CMSS1: variants seen among roughly 807,000 people sequenced by gnomAD.
CMSS1 encodes the protein cms1 ribosomal small subunit homolog.
CMSS1 carries 33 observed loss-of-function variants against 43.5 expected under a neutral mutation model. The ratio of observed to expected loss-of-function variants is 0.76; its 90% CI spans 0.57 to 1.01. The LOEUF (loss-of-function observed/expected upper bound fraction) is 1.01, where lower values mean the gene tolerates loss of function less well. CMSS1 is among the 50% of genes least tolerant of loss of function. CMSS1 has a pLI of 0.00. For missense variants in CMSS1, 313 were observed against 326.4 expected (o/e 0.96, Z 0.32); for synonymous variants, 115 against 117.2 (o/e 0.98, Z 0.12).
At chr3:99,982,087 GGTT>G (rs1402265275) in intron 1 of CMSS1, among the ~76,000 whole-genome samples, 1 of 151,932 alleles carries the variant, frequency 6.6e-6, no homozygotes, top group Non-Finnish European at 1.5e-5. Context: ...CTTTTGTGAC[GGTT>G]GTTAGTCTTG....
At chr3:99,828,434 G>A (rs1381959881) in intron 1 of CMSS1, among the ~76,000 whole-genome samples, 2 of 136,546 alleles carry the variant, frequency 1.5e-5, no homozygotes, top group East Asian at 2.1e-4. Context: ...TGATGTTAGA[G>A]CTTCATCACT....
intron 1 of CMSS1, among the ~76,000 whole-genome samples, chr3:99,948,054 A>G (rs925986739): frequency 2.0e-5 from 3 of 152,230 alleles, no homozygotes; most frequent in Non-Finnish European, 4.4e-5. Context: ...TTTTTATTCT[A>G]AAGCTATAAC....
chr3:99,992,603 A>G (rs918873670), intron 1 of CMSS1, among the ~76,000 whole-genome samples: 1 of 151,704 alleles, frequency 6.6e-6, no homozygotes, highest in African/African-American at 2.4e-5. Flanking sequence ...ATTTTTTCCC[A>G]TTCTATAGAT....
At chr3:99,980,355 T>C (rs1709086359) in intron 1 of CMSS1, among the ~76,000 whole-genome samples, 1 of 152,190 alleles carries the variant, frequency 6.6e-6, no homozygotes, top group Non-Finnish European at 1.5e-5. Flanking sequence ...TTGGATGTTT[T>C]GAAATTCAGA....
intron 1 of CMSS1, among the ~76,000 whole-genome samples, chr3:100,014,049 G>A (rs977419706): frequency 1.2e-4 from 18 of 151,760 alleles, no homozygotes; most frequent in African/African-American, 1.7e-4. Context: ...TTAAGATTCC[G>A]CATGTAAGTG....
At chr3:99,955,775 G>C (rs945120522) in intron 1 of CMSS1, among the ~76,000 whole-genome samples, 4 of 152,102 alleles carry the variant, frequency 2.6e-5, no homozygotes, top group African/African-American at 9.7e-5. Flanking sequence ...CCACATTAGT[G>C]TATCCTGGAA....
intron 1 of CMSS1, among the ~76,000 whole-genome samples, chr3:99,912,300 C>T (rs1018782848): frequency 2.6e-5 from 4 of 152,256 alleles, no homozygotes; most frequent in East Asian, 1.9e-4. Context: ...TAGGCAAAAC[C>T]ATAGAGACAG....
At chr3:100,091,864 A>C (rs912442020) in intron 1 of CMSS1, among the ~76,000 whole-genome samples, 3 of 152,142 alleles carry the variant, frequency 2.0e-5, no homozygotes, top group Non-Finnish European at 4.4e-5. Context: ...GTTGGGCCTG[A>C]GTAAATATTA....
At chr3:99,908,848 A>G (rs547022414) in intron 1 of CMSS1, among the ~76,000 whole-genome samples, 1 of 152,062 alleles carries the variant, frequency 6.6e-6, no homozygotes, top group Non-Finnish European at 1.5e-5. Flanking sequence ...AATAGAATCT[A>G]CCATCTACAA....
intron 2 of CMSS1, among the ~76,000 whole-genome samples, chr3:100,157,575 A>G (rs993657023): frequency 3.3e-5 from 5 of 152,182 alleles, no homozygotes; most frequent in Admixed American, 1.3e-4. Flanking sequence ...CTCTGATGGT[A>G]TTTCTTTTAG....
intron 1 of CMSS1, among the ~76,000 whole-genome samples, chr3:99,932,853 G>T (rs1161004450): frequency 6.6e-6 from 1 of 152,146 alleles, no homozygotes; most frequent in Non-Finnish European, 1.5e-5. Context: ...ATCGCGCCCG[G>T]CACTCCAGCC....
At chr3:99,975,942 T>C (rs1708957027) in intron 1 of CMSS1, among the ~76,000 whole-genome samples, 1 of 152,222 alleles carries the variant, frequency 6.6e-6, no homozygotes, top group African/African-American at 2.4e-5. Flanking sequence ...TGGAGTGCAG[T>C]GGCACCATCT....
At chr3:99,907,073 GACTCTT>G (rs1706641515) in intron 1 of CMSS1, among the ~76,000 whole-genome samples, 1 of 151,982 alleles carries the variant, frequency 6.6e-6, no homozygotes, top group Non-Finnish European at 1.5e-5. Flanking sequence ...ATATTTTTGG[GACTCTT>G]ACTGTTATTT....
chr3:99,927,214 T>A (rs763783043), intron 1 of CMSS1, among the ~76,000 whole-genome samples: 1 of 152,250 alleles, frequency 6.6e-6, no homozygotes, highest in Non-Finnish European at 1.5e-5. Context: ...TTTCAATACA[T>A]ATTAACTAAC....
At chr3:100,064,394 C>A (rs1017607753) in intron 1 of CMSS1, among the ~76,000 whole-genome samples, 1 of 151,786 alleles carries the variant, frequency 6.6e-6, no homozygotes, top group Non-Finnish European at 1.5e-5. Flanking sequence ...ACCCCCCCAA[C>A]ACCCTTTTTT....
At chr3:100,037,433 A>T (rs2065126694) in intron 1 of CMSS1, among the ~76,000 whole-genome samples, 1 of 152,148 alleles carries the variant, frequency 6.6e-6, no homozygotes, top group Non-Finnish European at 1.5e-5. Flanking sequence ...TTAACAAAAG[A>T]TTAAAACAAA....
At chr3:99,943,910 C>T (rs1707927214) in intron 1 of CMSS1, among the ~76,000 whole-genome samples, 1 of 152,114 alleles carries the variant, frequency 6.6e-6, no homozygotes, top group Non-Finnish European at 1.5e-5. Context: ...CTTCAGGGCT[C>T]AGTGTTTTAT....
chr3:99,947,234 G>A (rs776162608), intron 1 of CMSS1, among the ~76,000 whole-genome samples: 6 of 151,266 alleles, frequency 4.0e-5, no homozygotes, highest in African/African-American at 7.3e-5. Context: ...ATTCAACCAC[G>A]CAGAGATTTA....
chr3:99,915,424 A>G (rs1356564540), intron 1 of CMSS1, among the ~76,000 whole-genome samples: 6 of 152,206 alleles, frequency 3.9e-5, no homozygotes, highest in African/African-American at 1.4e-4. Flanking sequence ...ACTTTAGACA[A>G]GAAGATGCAA....
Sources: gnomAD v4.1 joint callset for allele counts (sites outside exome capture counted in the v4.1 genomes callset) on GRCh38, gnomAD v4.1.1 for gene constraint, MANE v1.5 for transcripts, NCBI Gene and HGNC (gene_info 2026-07-23, HGNC 2026-07-21) for gene names.